The following DPYD variants were observed in gnomAD, a reference collection of about 807,000 sequenced individuals.
The protein encoded by DPYD is dihydropyrimidine dehydrogenase [NADP(+)].
In DPYD, 109 loss-of-function variants were observed where a neutral mutation model predicts 116.2. The observed-to-expected ratio is 0.94, with a 90% CI of 0.80 to 1.10. The LOEUF (loss-of-function observed/expected upper bound fraction) is 1.10. Ranked by LOEUF, DPYD falls within the 50% of genes least tolerant of loss-of-function variation. The pLI, the probability that DPYD is intolerant of heterozygous loss-of-function variation, is 0.00. For missense variants in DPYD, 1,302 were observed against 1,254.5 expected (o/e 1.04, Z -0.57); for synonymous variants, 440 against 432.0 (o/e 1.02, Z -0.23).
At chr1:97,651,326 T>C (rs1236078195) in intron 8 of DPYD, among the ~76,000 whole-genome samples, 1 of 152,154 alleles carries the variant, frequency 6.6e-6, no homozygotes, top group African/African-American at 2.4e-5. Flanking sequence ...TGAACAAAAA[T>C]ACCCTGCTTG....
intron 14 of DPYD, among the ~76,000 whole-genome samples, chr1:97,389,192 C>A (rs984213749): frequency 4.0e-5 from 6 of 151,530 alleles, no homozygotes; most frequent in Non-Finnish European, 8.8e-5. Flanking sequence ...CCTGTAATCC[C>A]AGCTACTCAG....
chr1:97,347,607 A>G (rs1017429996), intron 16 of DPYD, among the ~76,000 whole-genome samples: 16 of 152,114 alleles, frequency 1.1e-4, no homozygotes, highest in Admixed American at 7.2e-4. Flanking sequence ...TTCTTACACT[A>G]ATCTTTCAAT....
At chr1:97,148,006 C>T (rs1396643592) in intron 20 of DPYD, among the ~76,000 whole-genome samples, 1 of 152,044 alleles carries the variant, frequency 6.6e-6, no homozygotes, top group Admixed American at 6.6e-5. Context: ...GAGATAAGTG[C>T]AAGGCAAACC....
intron 12 of DPYD, among the ~76,000 whole-genome samples, chr1:97,542,912 C>T (rs370364487): frequency 6.6e-6 from 1 of 152,258 alleles, no homozygotes; most frequent in Admixed American, 6.5e-5. Flanking sequence ...TCTGTTAAGA[C>T]TCTATACATC....
intron 2 of DPYD, among the ~76,000 whole-genome samples, chr1:97,859,218 ATCTC>A (rs1422169439): frequency 6.6e-6 from 1 of 152,180 alleles, no homozygotes; most frequent in African/African-American, 2.4e-5. Context: ...AAAAAAAAGA[ATCTC>A]TATGGTATGA....
chr1:97,104,490 C>T (rs1339972298), intron 20 of DPYD, among the ~76,000 whole-genome samples: 1 of 152,004 alleles, frequency 6.6e-6, no homozygotes, highest in Admixed American at 6.6e-5. Flanking sequence ...TTGCAATACC[C>T]TGTGGGCTGT....
chr1:97,410,148 A>C (rs184749741), intron 14 of DPYD, among the ~76,000 whole-genome samples: 9 of 151,888 alleles, frequency 5.9e-5, no homozygotes, highest in Non-Finnish European at 1.3e-4. Context: ...TTTCCATAGA[A>C]CTTTCTATTA....
intron 6 of DPYD, among the ~76,000 whole-genome samples, chr1:97,693,857 G>GA (rs896492220): frequency 4.6e-5 from 7 of 151,630 alleles, no homozygotes; most frequent in South Asian, 2.1e-4. Flanking sequence ...GGAATAAAAG[G>GA]AAAAAAAATG....
At chr1:97,278,970 A>G (rs1187032137) in intron 18 of DPYD, among the ~76,000 whole-genome samples, 1 of 152,054 alleles carries the variant, frequency 6.6e-6, no homozygotes, top group Non-Finnish European at 1.5e-5. Flanking sequence ...GAGCTTCTGA[A>G]TGGCAGAAAT....
In DPYD at chr1:97,732,319, C is replaced by T. The variant is rs188584302; in HGVS notation, c.321+8073G>A. Among the ~76,000 whole-genome samples the T allele has an allele frequency of 1.9e-3, 286 of 151,694 alleles. 1 individual carries two copies. Among genetic ancestry groups the T allele is most frequent in the African/African-American group, 6.7e-3 (277 of 41,396 alleles). ...GTGAAACCTCGTCTTTACTAAAATA[C>T]AAAAAATTAGCCGGGCATGGTGGCA... On this transcript the variant is annotated intron_variant, in intron 4 of 22. Coordinates refer to ENST00000370192, the MANE Select transcript of DPYD (RefSeq NM_000110.4).
At chr1:97,506,683 T>C (rs1473146934) in intron 13 of DPYD, among the ~76,000 whole-genome samples, 4 of 151,974 alleles carry the variant, frequency 2.6e-5, no homozygotes, top group African/African-American at 9.7e-5. Flanking sequence ...CCAAAATGAT[T>C]AACTAATTAA....
chr1:97,519,752 G>C (rs1021578439), intron 12 of DPYD, among the ~76,000 whole-genome samples: 3 of 151,986 alleles, frequency 2.0e-5, no homozygotes, highest in Non-Finnish European at 4.4e-5. Flanking sequence ...CTGTCTTGTT[G>C]GCTTATGTTC....
intron 16 of DPYD, among the ~76,000 whole-genome samples, chr1:97,319,181 C>A (rs1039572784): frequency 1.1e-4 from 16 of 144,016 alleles, no homozygotes; most frequent in Non-Finnish European, 2.1e-4. Context: ...ACTAGAAAAG[C>A]AAGAGCAAAC....
At chr1:97,771,503 A>C (rs1666141374) in intron 3 of DPYD, among the ~76,000 whole-genome samples, 1 of 152,192 alleles carries the variant, frequency 6.6e-6, no homozygotes, top group Non-Finnish European at 1.5e-5. Context: ...TGAAATTAAC[A>C]AAAAAGCATA....
At chr1:97,216,275 G>T (rs995628671) in intron 19 of DPYD, among the ~76,000 whole-genome samples, 4 of 117,602 alleles carry the variant, frequency 3.4e-5, no homozygotes, top group African/African-American at 1.5e-4. Flanking sequence ...TAGTTTGAGA[G>T]AGCCAAGCTT....
chr1:97,740,460 C>T lies in DPYD; in HGVS notation c.253G>A (p.Ala85Thr), dbSNP rs757342874. The change falls in exon 4 of 23, where the codon GCC becomes ACC. Residue 85 changes from alanine to threonine, a missense_variant. By Grantham distance (58) the Ala-to-Thr change is moderately conservative. Coordinates refer to ENST00000370192, the MANE Select transcript of DPYD (RefSeq NM_000110.4). ...EAMRCLKCAD[A>T]PCQKSCPTNL... ...GTTGGACAGCTCTTCTGACACGGGG[C>T]ATCTGCACATTTCAGGCATCTAGGA... 4 of 1,612,908 alleles carry T rather than the reference C, an allele frequency of 2.5e-6. No homozygotes were observed. The highest frequency in any genetic ancestry group is 3.3e-5 in the Admixed American group (2 of 59,978).
At chr1:97,405,282 T>G (rs1673594828) in intron 14 of DPYD, among the ~76,000 whole-genome samples, 1 of 152,112 alleles carries the variant, frequency 6.6e-6, no homozygotes, top group Non-Finnish European at 1.5e-5. Context: ...TTCTTTGATG[T>G]TCTTCCTTTC....
intron 18 of DPYD, among the ~76,000 whole-genome samples, chr1:97,254,333 T>G (rs1663307724): frequency 6.6e-6 from 1 of 152,192 alleles, no homozygotes; most frequent in South Asian, 2.1e-4. Context: ...AAGTTGCTAT[T>G]AATTCTAAAA....
At chr1:97,801,189 A>AG (rs61281240) in intron 3 of DPYD, among the ~76,000 whole-genome samples, 125,427 of 151,314 alleles carry the variant, frequency 0.83, 52,166 homozygotes, top group East Asian at 0.98. Flanking sequence ...AAAGCTAGTT[A>AG]ATCTCGTTCC....
Sources: allele counts gnomAD v4.1 joint callset (sites outside exome capture counted in the v4.1 genomes callset), GRCh38; gene constraint gnomAD v4.1.1; transcripts MANE v1.5; gene names NCBI Gene and HGNC (gene_info 2026-07-23, HGNC 2026-07-21).